ZNF300: variants seen among roughly 807,000 people sequenced by gnomAD.
ZNF300 encodes the protein kruppel-like zinc finger protein.
ZNF300 carries 6 observed loss-of-function variants against 13.9 expected under a neutral mutation model. That is an observed-to-expected ratio of 0.43 (90% CI 0.24 to 0.85). ZNF300 has a LOEUF of 0.85. ZNF300 is among the 40% of genes least tolerant of loss of function. The pLI, the probability that ZNF300 is intolerant of heterozygous loss-of-function variation, is 0.25. For missense variants in ZNF300, 662 were observed against 714.2 expected (o/e 0.93, Z 0.83); for synonymous variants, 237 against 242.2 (o/e 0.98, Z 0.20).
chr5:150,903,358 G>A lies in ZNF300; in HGVS notation c.-27-176C>T, dbSNP rs1375252851. The A allele has an allele frequency of 3.2e-6, 5 of 1,549,126 alleles. No individual in the cohort carries two copies. In the African/African-American group the frequency reaches 4.1e-5, roughly 13 times the overall value. On this transcript the variant is annotated intron_variant, in intron 2 of 5. Transcript: ENST00000274599. ...GTCTCAGCAGGCACCATGTGGAGGA[G>A]GGATCATTCTTTACTCCTCTTGTAC...
At chr5:150,900,680 T>A (rs1754965519) in intron 3 of ZNF300, 1 of 152,100 alleles carries the variant, frequency 6.6e-6, no homozygotes. Flanking sequence ...AAGAAACGTT[T>A]GTTAAATGAA....
At chr5:150,903,451 G>T in intron 2 of ZNF300, 1 of 1,231,264 alleles carries the variant, frequency 8.1e-7, no homozygotes. Flanking sequence ...TATGTTTCCA[G>T]TTGATTTACT....
rs1192910316 is a variant in ZNF300 at position 150,898,075 on chromosome 5, T to G, written c.252A>C (p.Ala84=). 9.3e-6 allele frequency: 15 copies of G among 1,610,290 alleles called. No homozygotes were observed. Among genetic ancestry groups the G allele is most frequent in the African/African-American group, 1.3e-5 (1 of 74,668 alleles). Residue 84 remains alanine, a synonymous_variant, in exon 5 of 6, where the codon GCA becomes GCC. Transcript: ENST00000274599. ...SNWIYPDEYQ[A]DGRQDRKSNL... ...TATTTCACTTCCCTTGTCTCCCATCTGCCTGATATTCATCTGGATAGATCC... is the reference window on the plus strand; with the variant it reads ...TATTTCACTTCCCTTGTCTCCCATCGGCCTGATATTCATCTGGATAGATCC...
Position 150,896,309 on chromosome 5 carries a change from A to G in ZNF300, c.930T>C (p.Phe310=), listed in dbSNP as rs138619288. ...GAGTTCTCTGATGTACAACAAGATGAAACTTCTCACTGAAGGCTTTTCCGC... is the reference window on the plus strand; with the variant it reads ...GAGTTCTCTGATGTACAACAAGATGGAACTTCTCACTGAAGGCTTTTCCGC... ...GACGKAFSEK[F]HLVVHQRTHT... Residue 310 remains phenylalanine (F), a synonymous_variant, in exon 6 of 6, where the codon TTT becomes TTC. Coordinates refer to ENST00000274599, the MANE Select transcript of ZNF300 (RefSeq NM_052860.4). 10 of 1,613,544 alleles carry G rather than the reference A, an allele frequency of 6.2e-6. No homozygotes were observed. In the African/African-American group the frequency reaches 1.3e-4, roughly 22 times the overall value.
intron 2 of ZNF300, among the ~76,000 whole-genome samples, chr5:150,903,575 G>A (rs990074857): frequency 1.3e-5 from 2 of 152,316 alleles, no homozygotes; most frequent in Admixed American, 6.5e-5. Flanking sequence ...CTCCTTGGCA[G>A]TAAGAATGGG....
chr5:150,896,386 T>G lies in ZNF300; in HGVS notation c.853A>C (p.Ile285Leu), dbSNP rs1754782029. The G allele has an allele frequency of 6.2e-6, 10 of 1,613,688 alleles. No homozygotes were observed. In the East Asian group the frequency reaches 2.2e-4, roughly 36 times the overall value. ...CCAGTATGAATTCTTTGATGTACAA[T>G]GAGTTGTGACTTCTTAGCAAAGGCT... ...GKAFAKKSQL[I>L]VHQRIHTGKK... Residue 285 changes from isoleucine (I) to leucine (L), a missense_variant, in exon 6 of 6, where the codon ATT becomes CTT. Ile to Leu is a conservative substitution (Grantham distance 5, BLOSUM62 2). Coordinates refer to ENST00000274599, the MANE Select transcript of ZNF300 (RefSeq NM_052860.4).
chr5:150,896,994 A>G, intron 5 of ZNF300, 21 bp from the exon 6 acceptor site: 2 of 1,570,568 alleles, frequency 1.3e-6, no homozygotes, highest in South Asian at 2.3e-5. Context: ...AAAAGATACA[A>G]TTTAAGAGTC....
rs1450887240 is a variant in ZNF300 at position 150,896,387 on chromosome 5, G to A, written c.852C>T (p.Leu284=). 6.2e-7 allele frequency: 1 copy of A among 1,613,632 alleles called. No homozygotes were observed. Among genetic ancestry groups the A allele is most frequent in the Admixed American group, 1.7e-5 (1 of 59,944 alleles). The change falls in exon 6 of 6, where the codon CTC becomes CTT. Residue 284 remains leucine (L), a synonymous_variant. Transcript: ENST00000274599. ...CAGTATGAATTCTTTGATGTACAATGAGTTGTGACTTCTTAGCAAAGGCTT... is the reference window on the plus strand; with the variant it reads ...CAGTATGAATTCTTTGATGTACAATAAGTTGTGACTTCTTAGCAAAGGCTT... ...CGKAFAKKSQ[L]IVHQRIHTGK...
At chr5:150,901,093 G>A (rs1162207704) in intron 3 of ZNF300, among the ~76,000 whole-genome samples, 3 of 151,968 alleles carry the variant, frequency 2.0e-5, no homozygotes, top group African/African-American at 4.8e-5. Context: ...GTGTAAAAAC[G>A]ACTTCACTTC....
Position 150,895,055 on chromosome 5 carries a change from T to C in ZNF300, c.*369A>G, listed in dbSNP as rs1754705867. The C allele has an allele frequency of 5.9e-6, 1 of 168,800 alleles. No individual in the cohort carries two copies. Among genetic ancestry groups the C allele is most frequent in the Non-Finnish European group, 1.3e-5 (1 of 79,346 alleles). The allele number at this position is 168,800 out of a possible 1,614,324, so 10.5% of individuals were successfully genotyped here. On this transcript the variant is annotated 3_prime_UTR_variant, in exon 6 of 6. Coordinates refer to ENST00000274599, the MANE Select transcript of ZNF300 (RefSeq NM_052860.4). ...TTGTTTACTTAAGCTTTCTTCCACG[T>C]CTTTTATAGAAAAATTAGTTTATGG...
At chr5:150,901,370 T>A (rs1754989784) in intron 3 of ZNF300, among the ~76,000 whole-genome samples, 1 of 152,202 alleles carries the variant, frequency 6.6e-6, no homozygotes, top group African/African-American at 2.4e-5. Flanking sequence ...TAAAAACTAC[T>A]AGTGAGTTTT....
Position 150,898,207 on chromosome 5 carries a change from A to G in ZNF300, c.143-23T>C, listed in dbSNP as rs533923673. The stretch of plus-strand genomic sequence containing the variant: ...ACCCTATTAAACAGAAATCACAGAG[A>G]ATTGAGATTGACTGCACTGAAGGAA... On this transcript the variant is annotated intron_variant, in intron 4 of 5. Transcript: ENST00000274599. 10 of 1,611,942 alleles carry G rather than the reference A, an allele frequency of 6.2e-6. No individual in the cohort carries two copies. The East Asian group carries it at 2.0e-4, about 32-fold the overall frequency.
rs1287924278 is a variant in ZNF300, at chr5:150,896,326, C to T, written c.913G>A (p.Ala305Thr). The change falls in exon 6 of 6, where the codon GCC (alanine) becomes ACC (threonine). Residue 305 changes from alanine to threonine, a missense_variant. Coordinates refer to ENST00000274599, the MANE Select transcript of ZNF300 (RefSeq NM_052860.4). ...ACAAGATGAAACTTCTCACTGAAGG[C>T]TTTTCCGCATGCACCACAATCATAT... Reference protein sequence around the residue: ...KPYDCGACGKAFSEKFHLVVH... With the variant: ...KPYDCGACGKTFSEKFHLVVH... 6.2e-7 allele frequency: 1 copy of T among 1,613,612 alleles called. No individual in the cohort carries two copies. Among genetic ancestry groups the T allele is most frequent in the African/African-American group, 1.3e-5 (1 of 74,988 alleles).
intron 2 of ZNF300, 43 bp downstream of exon 2, chr5:150,903,821 C>T (rs1755062435): frequency 6.1e-6 from 1 of 164,370 alleles, no homozygotes; most frequent in Non-Finnish European, 1.3e-5. Flanking sequence ...GTTGGAACCA[C>T]TGGAAAAAAA....
In ZNF300 at chr5:150,897,031, A is replaced by G. The variant is rs981413008; in HGVS notation, c.266-58T>C. Reference sequence around the variant, plus strand: ...TCACAAGAGTCAATTAAGAGGGTAAAGAAGTAGAACAAATGGATGATCCAA... The same window carrying G: ...TCACAAGAGTCAATTAAGAGGGTAAGGAAGTAGAACAAATGGATGATCCAA... On this transcript the variant is annotated intron_variant, in intron 5 of 5. Coordinates refer to ENST00000274599, the MANE Select transcript of ZNF300 (RefSeq NM_052860.4). 4 of 1,371,312 alleles carry G rather than the reference A, an allele frequency of 2.9e-6. No homozygotes were observed. In the African/African-American group the frequency reaches 4.4e-5, roughly 15 times the overall value. The allele number at this position is 1,371,312 out of a possible 1,614,324, so 84.9% of individuals were successfully genotyped here. A position where few individuals can be genotyped will look rare whatever the true frequency, so the allele number is the denominator to read the frequency against.
In ZNF300 at chr5:150,896,076, T is replaced by C. The variant is rs371764879; in HGVS notation, c.1163A>G (p.Lys388Arg). ...CAGCTGTGACTTCTGGGAAAAGGCC[T>C]TCCCACACTCTCTACATTCATAGGG... is the stretch of plus-strand genomic sequence containing the variant. ...EKPYECRECGKAFSQKSQLII... is the reference protein window; with the variant it reads ...EKPYECRECGRAFSQKSQLII... The change falls in exon 6 of 6, where the codon AAG becomes AGG. Residue 388 changes from lysine to arginine, a missense_variant. Coordinates refer to ENST00000274599, the MANE Select transcript of ZNF300 (RefSeq NM_052860.4). 7.4e-6 allele frequency: 12 copies of C among 1,613,550 alleles called. No individual in the cohort carries two copies. The African/African-American group carries it at 1.3e-4, about 18-fold the overall frequency.
At position 150,895,365 on chromosome 5, in the gene ZNF300, G is replaced by T. The variant is rs1754717109; in HGVS notation, c.*59C>A. The T allele has an allele frequency of 7.8e-7, 1 of 1,281,352 alleles. No individual in the cohort carries two copies. The highest frequency in any genetic ancestry group is 1.1e-6 in the Non-Finnish European group (1 of 947,328). The allele number at this position is 1,281,352 out of a possible 1,614,324, so 79.4% of individuals were successfully genotyped here. On this transcript the variant is annotated 3_prime_UTR_variant, in exon 6 of 6. Coordinates refer to ENST00000274599, the MANE Select transcript of ZNF300 (RefSeq NM_052860.4). Reference sequence around the variant, plus strand: ...TGTCCCCAAGCTTATCAAATTAATTGGGTTTCTAGTAATTATTAAGGCTTG... The same window carrying T: ...TGTCCCCAAGCTTATCAAATTAATTTGGTTTCTAGTAATTATTAAGGCTTG...
At position 150,896,158 on chromosome 5, in the gene ZNF300, C is replaced by G. The variant is rs778945218; in HGVS notation, c.1081G>C (p.Ala361Pro). Residue 361 changes from alanine (A) to proline (P), a missense_variant, in exon 6 of 6, where the codon GCC becomes CCC. Transcript: ENST00000274599. ...ATGAGGGGTGATTTCTGGGAGAAGG[C>G]TTTCCCGCATTCACTACATTCATAG... ...KPYECSECGK[A>P]FSQKSPLIIH... 6.2e-7 allele frequency: 1 copy of G among 1,613,308 alleles called. No homozygotes were observed. The highest frequency in any genetic ancestry group is 8.5e-7 in the Non-Finnish European group (1 of 1,179,706).
In ZNF300 at chr5:150,896,814, T is replaced by C; in HGVS notation, c.425A>G (p.Asp142Gly). 6.2e-7 allele frequency: 1 copy of C among 1,613,780 alleles called. No homozygotes were observed. The highest frequency in any genetic ancestry group is 8.5e-7 in the Non-Finnish European group (1 of 1,179,764). The stretch of plus-strand genomic sequence containing the variant: ...AAATGTGACCTGCCTGAAGAGTTTG[T>C]CTTGATTCTCTAGAAATCTCTGCAG... Reference protein sequence around the residue: ...GQLQRFLENQDKLFRQVTFVN... With the variant: ...GQLQRFLENQGKLFRQVTFVN... The change falls in exon 6 of 6, where the codon GAC becomes GGC. Residue 142 changes from aspartate (D) to glycine (G), a missense_variant. By Grantham distance (94) the Asp-to-Gly change is moderately conservative. Transcript: ENST00000274599.
Sources: allele counts gnomAD v4.1 joint callset (sites outside exome capture counted in the v4.1 genomes callset), GRCh38; gene constraint gnomAD v4.1.1; transcripts MANE v1.5; gene names NCBI Gene and HGNC (gene_info 2026-07-23, HGNC 2026-07-21).